Variants in GLG1 observed in about 807,000 individuals in gnomAD.
GLG1 encodes the protein Golgi apparatus protein 1.
GLG1 carries 38 observed loss-of-function variants against 160.5 expected under a neutral mutation model. The ratio of observed to expected loss-of-function variants is 0.24; its 90% CI spans 0.18 to 0.31. The LOEUF (loss-of-function observed/expected upper bound fraction) is 0.31, where lower values mean the gene tolerates loss of function less well. Among genes scored for constraint, GLG1 ranks in the 10% least tolerant of loss-of-function variants. The probability of loss-of-function intolerance (pLI) is 1.00; values close to 1 mark genes in which losing one functional copy is unlikely to be tolerated. For missense variants in GLG1, 1,373 were observed against 1,505.2 expected, an observed-to-expected ratio of 0.91 and a Z score of 1.45; for synonymous variants, 644 against 543.4, an observed-to-expected ratio of 1.19 and a Z score of -2.57.
intron 25 of GLG1, among the ~76,000 whole-genome samples, chr16:74,455,843 T>G (rs2014516647): frequency 6.6e-6 from 1 of 152,224 alleles, no homozygotes; most frequent in South Asian, 2.1e-4. Context: ...GTCATTATAC[T>G]TACCTCACAG....
At chr16:74,487,765 T>C (rs971150678) in intron 8 of GLG1, among the ~76,000 whole-genome samples, 1 of 152,142 alleles carries the variant, frequency 6.6e-6, no homozygotes, top group Non-Finnish European at 1.5e-5. Context: ...AAACAATACA[T>C]GCACTAGACT....
intron 1 of GLG1, among the ~76,000 whole-genome samples, chr16:74,575,490 C>T (rs2018976847): frequency 6.6e-6 from 1 of 152,182 alleles, no homozygotes; most frequent in Non-Finnish European, 1.5e-5. Flanking sequence ...GACCAGGTAA[C>T]CAGAGGACTT....
chr16:74,588,470 G>A (rs1450213615), intron 1 of GLG1, among the ~76,000 whole-genome samples: 1 of 151,994 alleles, frequency 6.6e-6, no homozygotes. Flanking sequence ...TCACTCTGAT[G>A]TCCAGGTTAC....
At chr16:74,528,638 C>G (rs1001837311) in intron 2 of GLG1, among the ~76,000 whole-genome samples, 2 of 151,360 alleles carry the variant, frequency 1.3e-5, no homozygotes, top group African/African-American at 4.9e-5. Context: ...ATGGTGAAAC[C>G]CTGTCCCTAC....
chr16:74,515,457 C>T (rs1374326588), intron 2 of GLG1, among the ~76,000 whole-genome samples: 4 of 152,180 alleles, frequency 2.6e-5, no homozygotes, highest in African/African-American at 9.7e-5. Context: ...TCTCAGACCA[C>T]AGTGCAATCA....
chr16:74,596,374 C>G (rs1162257110), intron 1 of GLG1, among the ~76,000 whole-genome samples: 1 of 151,764 alleles, frequency 6.6e-6, no homozygotes, highest in African/African-American at 2.4e-5. Context: ...ACTAAAAATA[C>G]AAAAATTAGC....
chr16:74,565,712 G>A (rs1246097166), intron 1 of GLG1, among the ~76,000 whole-genome samples: 6 of 152,130 alleles, frequency 3.9e-5, no homozygotes, highest in African/African-American at 1.4e-4. Context: ...AACCTTTCCT[G>A]GTTCGAGAGG....
intron 1 of GLG1, among the ~76,000 whole-genome samples, chr16:74,604,356 G>T (rs1958515133): frequency 6.6e-6 from 1 of 152,196 alleles, no homozygotes; most frequent in Admixed American, 6.5e-5. Flanking sequence ...ATTCGGAAGG[G>T]TGTGCACAGA....
At chr16:74,500,476 A>C (rs1453088692) in intron 4 of GLG1, among the ~76,000 whole-genome samples, 3 of 151,740 alleles carry the variant, frequency 2.0e-5, no homozygotes, top group Non-Finnish European at 4.4e-5. Flanking sequence ...ACAAAAAAAA[A>C]CAAAAAAAAA....
At chr16:74,517,678 T>C (rs188128771) in intron 2 of GLG1, among the ~76,000 whole-genome samples, 114 of 152,228 alleles carry the variant, frequency 7.5e-4, no homozygotes, top group Admixed American at 5.6e-3. Context: ...CTATTCAACA[T>C]AGTATTGGAA....
chr16:74,514,980 A>C (rs1319985770), intron 2 of GLG1, among the ~76,000 whole-genome samples: 1 of 152,092 alleles, frequency 6.6e-6, no homozygotes, highest in Non-Finnish European at 1.5e-5. Flanking sequence ...GAAAAAAAAA[A>C]GCAGGGGTTG....
intron 25 of GLG1, among the ~76,000 whole-genome samples, chr16:74,455,922 C>T (rs1441394134): frequency 3.9e-5 from 6 of 152,120 alleles, no homozygotes; most frequent in South Asian, 4.1e-4. Flanking sequence ...AATGTATGCA[C>T]GAGAAGAACT....
intron 2 of GLG1, among the ~76,000 whole-genome samples, chr16:74,525,417 C>T (rs1188605816): frequency 2.0e-5 from 3 of 152,104 alleles, no homozygotes; most frequent in African/African-American, 4.8e-5. Flanking sequence ...CACTATGTTG[C>T]CCAGGCTGTG....
chr16:74,481,069 C>T (rs908728684), intron 10 of GLG1, among the ~76,000 whole-genome samples: 3 of 152,180 alleles, frequency 2.0e-5, no homozygotes, highest in Non-Finnish European at 2.9e-5. Flanking sequence ...CCAGGCAATT[C>T]ACAACTTTTT....
chr16:74,464,768 T>C (rs2014938268), intron 19 of GLG1, among the ~76,000 whole-genome samples: 1 of 152,228 alleles, frequency 6.6e-6, no homozygotes, highest in Non-Finnish European at 1.5e-5. Flanking sequence ...TATTTGATAG[T>C]GTAAAAAGTA....
At chr16:74,531,831 TA>T (rs1448412193) in intron 2 of GLG1, among the ~76,000 whole-genome samples, 1 of 152,228 alleles carries the variant, frequency 6.6e-6, no homozygotes, top group Non-Finnish European at 1.5e-5. Flanking sequence ...GAGAAAACTT[TA>T]AAACAGGAAA....
chr16:74,504,016 T>C lies in GLG1; in HGVS notation c.559-270A>G, dbSNP rs1412236373. ...TGCAAAAGAATACCTACATATCAAA[T>C]GCTTAGGTAATGCTCACTTCTAAAT... On this transcript the variant is annotated intron_variant, in intron 3 of 25. Transcript: ENST00000422840. 3.3e-5 allele frequency among the ~76,000 whole-genome samples: 5 copies of C among 152,214 alleles called. No homozygotes were observed. In the East Asian group the frequency reaches 9.6e-4, roughly 29 times the overall value.
intron 16 of GLG1, 67 bp from the exon 17 acceptor site, chr16:74,469,130 T>G (rs1039985495): frequency 8.1e-6 from 8 of 990,136 alleles, no homozygotes; most frequent in Non-Finnish European, 1.1e-5. Context: ...GAGCTGGGCT[T>G]GGGGGGGGTC....
chr16:74,597,931 G>A (rs192967580), intron 1 of GLG1, among the ~76,000 whole-genome samples: 1 of 151,300 alleles, frequency 6.6e-6, no homozygotes, highest in Non-Finnish European at 1.5e-5. Context: ...CAGGAGAATC[G>A]CTTGAACCCG....
Sources: allele counts gnomAD v4.1 joint callset (sites outside exome capture counted in the v4.1 genomes callset), GRCh38; gene constraint gnomAD v4.1.1; transcripts MANE v1.5; gene names NCBI Gene and HGNC (gene_info 2026-07-23, HGNC 2026-07-21).